SYN3: variants seen among roughly 807,000 people sequenced by gnomAD.
SYN3 encodes synapsin-3.
A neutral mutation model predicts 65.8 loss-of-function variants in SYN3; 35 were observed. That is an observed-to-expected ratio of 0.53 (90% CI 0.41 to 0.70). The LOEUF (loss-of-function observed/expected upper bound fraction) is 0.70, where lower values mean the gene tolerates loss of function less well. Among genes scored for constraint, SYN3 ranks in the 30% least tolerant of loss-of-function variants. The pLI is 0.00. For missense variants in SYN3, 680 were observed against 749.0 expected (o/e 0.91, Z 1.08); for synonymous variants, 270 against 292.9 (o/e 0.92, Z 0.80).
intron 7 of SYN3, among the ~76,000 whole-genome samples, chr22:32,593,377 A>G (rs1383046264): frequency 6.6e-6 from 1 of 151,936 alleles, no homozygotes; most frequent in Non-Finnish European, 1.5e-5. Context: ...AGCTTTAAGC[A>G]CAGAGTTTAA....
Position 32,855,615 on chromosome 22 carries a change from G to C in SYN3, c.711+9300C>G, listed in dbSNP as rs775514541. Among the ~76,000 whole-genome samples, 6 of 152,128 alleles carry C rather than the reference G, an allele frequency of 3.9e-5. No homozygotes were observed. In the East Asian group the frequency reaches 9.6e-4, roughly 24 times the overall value. On this transcript the variant is annotated intron_variant, in intron 6 of 13. Transcript: ENST00000358763. ...CCTCATAGGGTTGTCATGGTGATTCGTGGGCTAATATTAAAGGAGATTTCT... is the reference window on the plus strand; with the variant it reads ...CCTCATAGGGTTGTCATGGTGATTCCTGGGCTAATATTAAAGGAGATTTCT...
intron 2 of SYN3, among the ~76,000 whole-genome samples, chr22:32,995,489 C>T (rs1485435232): frequency 6.6e-6 from 1 of 152,154 alleles, no homozygotes. Flanking sequence ...AACCCTACCC[C>T]AAGCCACTGC....
intron 6 of SYN3, among the ~76,000 whole-genome samples, chr22:32,775,875 AC>A (rs1401853839): frequency 6.6e-6 from 1 of 152,156 alleles, no homozygotes; most frequent in Non-Finnish European, 1.5e-5. Context: ...AATTCCTGAA[AC>A]CTGTGAATGT....
At position 32,821,961 on chromosome 22, in the gene SYN3, G is replaced by A. The variant is rs1423417801; in HGVS notation, c.711+42954C>T. On this transcript the variant is annotated intron_variant, in intron 6 of 13. Coordinates refer to ENST00000358763, the MANE Select transcript of SYN3 (RefSeq NM_003490.4). ...ACCTGAGGTCGGGAGTTCGAGACCA[G>A]CCTGACCAACATGGAGAAACCCCAT... 2.6e-5 allele frequency among the ~76,000 whole-genome samples: 4 copies of A among 152,102 alleles called. No individual in the cohort carries two copies. The East Asian group carries it at 5.8e-4, about 22-fold the overall frequency.
rs1192891185 is a variant in SYN3 at position 32,510,339 on chromosome 22, A to G, written c.*3353T>C. On this transcript the variant is annotated 3_prime_UTR_variant, in exon 14 of 14. Transcript: ENST00000358763. ...CTCCTTTAGTCCGACATGAAGCTTCATCTGCCTTTGTAACTAGCTCTGCCC... is the reference window on the plus strand; with the variant it reads ...CTCCTTTAGTCCGACATGAAGCTTCGTCTGCCTTTGTAACTAGCTCTGCCC... Among the ~76,000 whole-genome samples the G allele has an allele frequency of 6.6e-6, 1 of 152,230 alleles. No individual in the cohort carries two copies. Among genetic ancestry groups the G allele is most frequent in the Non-Finnish European group, 1.5e-5 (1 of 68,042 alleles).
Position 32,957,888 on chromosome 22 carries a change from C to T in SYN3, c.369+22757G>A, listed in dbSNP as rs543440413. ...GCTCATTTTCTTCCACAGGGGCTAC[C>T]GTGGTTCCACCCCAGCATGACTCAG... On this transcript the variant is annotated intron_variant, in intron 3 of 13. Coordinates refer to ENST00000358763, the MANE Select transcript of SYN3 (RefSeq NM_003490.4). Among the ~76,000 whole-genome samples, 10 of 152,296 alleles carry T rather than the reference C, an allele frequency of 6.6e-5. No homozygotes were observed. The East Asian group carries it at 1.3e-3, about 21-fold the overall frequency.
chr22:32,864,804 G>C lies in SYN3; in HGVS notation c.711+111C>G, dbSNP rs1489305767. 4 of 943,986 alleles carry C rather than the reference G, an allele frequency of 4.2e-6. No individual in the cohort carries two copies. In the East Asian group the frequency reaches 9.9e-5, roughly 23 times the overall value. The allele number at this position is 943,986 out of a possible 1,614,324, so 58.5% of individuals were successfully genotyped here. On this transcript the variant is annotated intron_variant, in intron 6 of 13. Transcript: ENST00000358763. ...TGTGACTCCGCCTTAGAGTCTGCGT[G>C]GTCAGTGTACAACCCCTAGAGTCCA...
At chr22:32,659,477 A>C (rs2060187371) in intron 6 of SYN3, among the ~76,000 whole-genome samples, 2 of 152,194 alleles carry the variant, frequency 1.3e-5, no homozygotes, top group Admixed American at 6.5e-5. Context: ...CAAGAGCTCC[A>C]CCTGGACCTG....
chr22:32,594,603 G>A (rs943520782), intron 7 of SYN3, among the ~76,000 whole-genome samples: 2 of 151,942 alleles, frequency 1.3e-5, no homozygotes, highest in East Asian at 3.9e-4. Flanking sequence ...TTCTCCTGCC[G>A]CAGCTTTCCA....
At chr22:32,818,658 G>C (rs557674929) in intron 6 of SYN3, among the ~76,000 whole-genome samples, 1 of 152,282 alleles carries the variant, frequency 6.6e-6, no homozygotes, top group Admixed American at 6.5e-5. Flanking sequence ...TCTCCCCTCC[G>C]GCGCTGGGCC....
chr22:33,050,021 A>G (rs982333326), intron 1 of SYN3, among the ~76,000 whole-genome samples: 15 of 151,882 alleles, frequency 9.9e-5, no homozygotes, highest in African/African-American at 3.6e-4. Flanking sequence ...TCTCAAATGA[A>G]TGAGTGTTGT....
intron 3 of SYN3, among the ~76,000 whole-genome samples, chr22:32,946,069 T>C (rs1352762973): frequency 4.6e-5 from 7 of 152,058 alleles, no homozygotes; most frequent in African/African-American, 7.2e-5. Flanking sequence ...TGTGGAGAAA[T>C]AGGAACACTT....
intron 6 of SYN3, among the ~76,000 whole-genome samples, chr22:32,603,181 T>C (rs1404215567): frequency 6.6e-6 from 1 of 151,910 alleles, no homozygotes; most frequent in South Asian, 2.1e-4. Flanking sequence ...ACTTTATGGA[T>C]GGTAGCATCC....
chr22:32,774,101 G>A (rs1164678173), intron 6 of SYN3, among the ~76,000 whole-genome samples: 2 of 152,060 alleles, frequency 1.3e-5, no homozygotes, highest in Non-Finnish European at 2.9e-5. Context: ...GGGTCTTGAT[G>A]GGATAGCCAT....
At chr22:32,955,227 C>T (rs1191196602) in intron 3 of SYN3, among the ~76,000 whole-genome samples, 1 of 152,156 alleles carries the variant, frequency 6.6e-6, no homozygotes, top group East Asian at 1.9e-4. Context: ...ATAGACCCTG[C>T]TGTTCCTATC....
At chr22:32,915,470 C>G (rs137547) in intron 4 of SYN3, among the ~76,000 whole-genome samples, 148,993 of 152,268 alleles carry the variant, frequency 0.98, 72,903 homozygotes, top group East Asian at 1. Flanking sequence ...AGCAGGATGA[C>G]GGTATAGAGA....
intron 6 of SYN3, among the ~76,000 whole-genome samples, chr22:32,603,394 C>T (rs1258504102): frequency 1.3e-5 from 2 of 150,648 alleles, no homozygotes; most frequent in Non-Finnish European, 1.5e-5. Context: ...GTGGCGGGCA[C>T]CTGTAGTCCC....
chr22:32,928,008 A>G (rs1386156610), intron 4 of SYN3, among the ~76,000 whole-genome samples: 1 of 152,216 alleles, frequency 6.6e-6, no homozygotes, highest in Non-Finnish European at 1.5e-5. Flanking sequence ...CAATAAACCC[A>G]TTGTAAACTG....
chr22:32,987,193 G>A (rs1023191075), intron 2 of SYN3, among the ~76,000 whole-genome samples: 1 of 152,110 alleles, frequency 6.6e-6, no homozygotes, highest in Non-Finnish European at 1.5e-5. Flanking sequence ...ACCCCCACTG[G>A]GGGTGGAGTG....
Sources: allele counts gnomAD v4.1 joint callset (sites outside exome capture counted in the v4.1 genomes callset), GRCh38; gene constraint gnomAD v4.1.1; transcripts MANE v1.5; gene names NCBI Gene and HGNC (gene_info 2026-07-23, HGNC 2026-07-21).